Variants in ADAMTSL1 observed in about 807,000 individuals in gnomAD.
The protein encoded by ADAMTSL1 is ADAMTS-like protein 1.
Under a neutral mutation model 201.8 loss-of-function variants are expected in ADAMTSL1, and 126 were observed. The ratio of observed to expected loss-of-function variants is 0.62; its 90% CI spans 0.54 to 0.72. The LOEUF is 0.72. Ranked by LOEUF, ADAMTSL1 falls within the 30% of genes least tolerant of loss-of-function variation. ADAMTSL1 has a pLI of 0.00. For missense variants in ADAMTSL1, 2,679 were observed against 2,277.8 expected (o/e 1.18, Z -3.59); for synonymous variants, 1,121 against 903.4 (o/e 1.24, Z -4.32).
chr9:18,491,496 G>C (rs540166958), intron 1 of ADAMTSL1, among the ~76,000 whole-genome samples: 12 of 152,266 alleles, frequency 7.9e-5, no homozygotes, highest in African/African-American at 2.6e-4. Context: ...AACTCTCAAA[G>C]TATTTGCTTC....
At chr9:18,827,156 T>C (rs1180955185) in intron 22 of ADAMTSL1, among the ~76,000 whole-genome samples, 3 of 82,786 alleles carry the variant, frequency 3.6e-5, no homozygotes, top group Non-Finnish European at 7.0e-5. Flanking sequence ...GCTAGGGAGA[T>C]AAAGTTAAAA....
At chr9:18,582,980 T>G (rs1823212004) in intron 4 of ADAMTSL1, among the ~76,000 whole-genome samples, 2 of 152,316 alleles carry the variant, frequency 1.3e-5, no homozygotes, top group South Asian at 4.1e-4. Flanking sequence ...TATCACCTTC[T>G]GCAATGATTG....
chr9:18,438,171 T>C (rs907257031), intron 2 of ADAMTSL1, among the ~76,000 whole-genome samples: 3 of 151,174 alleles, frequency 2.0e-5, no homozygotes, highest in South Asian at 4.2e-4. Flanking sequence ...CCTGAAAGCA[T>C]TTACTGCACG....
At chr9:18,067,069 A>G (rs1563979919) in intron 1 of ADAMTSL1, among the ~76,000 whole-genome samples, 1 of 152,160 alleles carries the variant, frequency 6.6e-6, no homozygotes, top group Non-Finnish European at 1.5e-5. Flanking sequence ...TCACACCAGC[A>G]TGGCACATGT....
intron 1 of ADAMTSL1, among the ~76,000 whole-genome samples, chr9:18,105,408 T>TTTTCACAGTCTTTCATGC (rs1419885917): frequency 6.6e-6 from 1 of 152,230 alleles, no homozygotes; most frequent in East Asian, 1.9e-4. Context: ...CCAGTTCATG[T>TTTTCACAGTCTTTCATGC]TTTCACAGTC....
Position 18,600,278 on chromosome 9 carries a change from C to T in ADAMTSL1, c.475-21965C>T, listed in dbSNP as rs186167755. 7.5e-3 allele frequency among the ~76,000 whole-genome samples: 1,139 copies of T among 152,246 alleles called. 15 individuals are homozygous for T. The highest frequency in any genetic ancestry group is 0.026 in the African/African-American group (1,096 of 41,528). ...AGAAAAACGATCCTCATATATTAAG[C>T]TCTAACCATGCCAGACACTCCCAAG... On this transcript the variant is annotated intron_variant, in intron 4 of 28. Transcript: ENST00000380548.
intron 4 of ADAMTSL1, among the ~76,000 whole-genome samples, chr9:18,613,130 A>G (rs1050932357): frequency 6.6e-6 from 1 of 152,232 alleles, no homozygotes; most frequent in African/African-American, 2.4e-5. Flanking sequence ...ATCACTGATC[A>G]TTAGAGAAAT....
intron 2 of ADAMTSL1, among the ~76,000 whole-genome samples, chr9:18,367,340 C>A (rs1836812810): frequency 6.6e-6 from 1 of 151,522 alleles, no homozygotes; most frequent in African/African-American, 2.4e-5. Context: ...TAAAATATTT[C>A]AGATAAGTGA....
At chr9:18,273,798 G>C (rs958251069) in intron 2 of ADAMTSL1, among the ~76,000 whole-genome samples, 1 of 152,156 alleles carries the variant, frequency 6.6e-6, no homozygotes, top group African/African-American at 2.4e-5. Flanking sequence ...TAATGTGAAG[G>C]CTCCATATCT....
At chr9:18,362,631 A>G (rs1171459227) in intron 2 of ADAMTSL1, among the ~76,000 whole-genome samples, 1 of 152,216 alleles carries the variant, frequency 6.6e-6, no homozygotes, top group African/African-American at 2.4e-5. Context: ...CGGACCGTGA[A>G]GCACCATCAA....
chr9:18,222,787 A>G (rs548656794), intron 2 of ADAMTSL1, among the ~76,000 whole-genome samples: 3 of 151,948 alleles, frequency 2.0e-5, no homozygotes, highest in South Asian at 4.1e-4. Context: ...CTGCAAAAAC[A>G]TCTTTATTTT....
intron 19 of ADAMTSL1, among the ~76,000 whole-genome samples, chr9:18,793,633 C>G (rs1330747535): frequency 1.3e-5 from 2 of 152,148 alleles, no homozygotes; most frequent in African/African-American, 4.8e-5. Context: ...GCTTTTGAAA[C>G]TAGGGAGGTT....
intron 1 of ADAMTSL1, among the ~76,000 whole-genome samples, chr9:18,143,185 G>A (rs962113587): frequency 1.3e-5 from 2 of 152,148 alleles, no homozygotes; most frequent in Admixed American, 6.5e-5. Context: ...TGGAGCTGGA[G>A]CCAGAGGACA....
intron 2 of ADAMTSL1, among the ~76,000 whole-genome samples, chr9:18,352,575 T>C (rs1836020947): frequency 6.6e-6 from 1 of 152,210 alleles, no homozygotes; most frequent in South Asian, 2.1e-4. Flanking sequence ...ATCCCAGTGT[T>C]AATGATAATT....
In ADAMTSL1 at chr9:18,754,571, G is replaced by A. The variant is rs150537862; in HGVS notation, c.2217+1063G>A. Reference sequence around the variant, plus strand: ...TCATCAGTGGAAAAGGAGAGAGGACGACAGCTCACATACCATTGCCTTGTG... The same window carrying A: ...TCATCAGTGGAAAAGGAGAGAGGACAACAGCTCACATACCATTGCCTTGTG... On this transcript the variant is annotated intron_variant, in intron 16 of 28. Coordinates refer to ENST00000380548, the MANE Select transcript of ADAMTSL1 (RefSeq NM_001040272.6). Among the ~76,000 whole-genome samples the A allele has an allele frequency of 1.1e-3, 168 of 152,276 alleles. 1 individual carries two copies. The highest frequency in any genetic ancestry group is 3.9e-3 in the African/African-American group (160 of 41,556).
At chr9:18,454,065 T>C (rs1001428546) in intron 2 of ADAMTSL1, among the ~76,000 whole-genome samples, 4 of 152,192 alleles carry the variant, frequency 2.6e-5, no homozygotes, top group African/African-American at 9.6e-5. Flanking sequence ...AATTGGCTCA[T>C]GTGATTATGG....
intron 5 of ADAMTSL1, among the ~76,000 whole-genome samples, chr9:18,626,873 TTCTTC>T (rs1554718043): frequency 1.0e-5 from 1 of 100,396 alleles, no homozygotes; most frequent in Non-Finnish European, 2.0e-5. Context: ...CTTTCTGTCT[TTCTTC>T]CTTCCTTCCT....
intron 2 of ADAMTSL1, among the ~76,000 whole-genome samples, chr9:18,366,963 T>C (rs954005483): frequency 6.6e-6 from 1 of 152,204 alleles, no homozygotes; most frequent in Non-Finnish European, 1.5e-5. Context: ...TATCTCTTAC[T>C]CTTTTTGTCT....
At chr9:18,404,681 C>G (rs758385788) in intron 2 of ADAMTSL1, among the ~76,000 whole-genome samples, 1 of 152,190 alleles carries the variant, frequency 6.6e-6, no homozygotes, top group African/African-American at 2.4e-5. Context: ...AGGATCCTGG[C>G]ATTGTGCCCA....
Sources: gnomAD v4.1 joint callset for allele counts (sites outside exome capture counted in the v4.1 genomes callset) on GRCh38, gnomAD v4.1.1 for gene constraint, MANE v1.5 for transcripts, NCBI Gene and HGNC (gene_info 2026-07-23, HGNC 2026-07-21) for gene names.